PDZD2: variants seen among roughly 807,000 people sequenced by gnomAD.
PDZD2 encodes the protein PDZ domain-containing protein 2.
PDZD2 carries 90 observed loss-of-function variants against 220.7 expected under a neutral mutation model. The ratio of observed to expected loss-of-function variants is 0.41; its 90% CI spans 0.34 to 0.49. The LOEUF (loss-of-function observed/expected upper bound fraction) is 0.49. Among genes scored for constraint, PDZD2 ranks in the 20% least tolerant of loss-of-function variants. PDZD2 has a pLI of 0.28. For synonymous variants in PDZD2, 1,375 were observed against 1,450.5 expected (o/e 0.95, Z 1.18); for missense variants, 3,174 against 3,608.5 (o/e 0.88, Z 3.08).
chr5:32,025,482 G>A (rs1283190474), intron 6 of PDZD2, among the ~76,000 whole-genome samples: 6 of 148,616 alleles, frequency 4.0e-5, no homozygotes, highest in Non-Finnish European at 7.4e-5. Context: ...CCAAGATCGC[G>A]CCATTGCACT....
At chr5:32,008,391 G>T (rs1177549996) in intron 5 of PDZD2, among the ~76,000 whole-genome samples, 1 of 146,018 alleles carries the variant, frequency 6.8e-6, no homozygotes, top group Non-Finnish European at 1.5e-5. Flanking sequence ...AGGGATTCTT[G>T]TGCCTCAGTC....
chr5:31,715,911 C>G (rs1246577022), intron 1 of PDZD2, among the ~76,000 whole-genome samples: 2 of 152,176 alleles, frequency 1.3e-5, no homozygotes, highest in Non-Finnish European at 2.9e-5. Context: ...AAGGTTGATT[C>G]TTGACGTTGA....
At chr5:31,655,163 A>C (rs253938) in intron 1 of PDZD2, among the ~76,000 whole-genome samples, 6 of 152,094 alleles carry the variant, frequency 3.9e-5, no homozygotes, top group African/African-American at 1.5e-4. Flanking sequence ...ACATTATCAG[A>C]TTTTTGTTTT....
intron 2 of PDZD2, among the ~76,000 whole-genome samples, chr5:31,831,726 G>A (rs555808606): frequency 1.5e-4 from 22 of 147,472 alleles, no homozygotes; most frequent in South Asian, 6.5e-4. Flanking sequence ...CCAGCTTGGC[G>A]ACAGAGCAAG....
chr5:31,695,750 C>G (rs1747352570), intron 1 of PDZD2, among the ~76,000 whole-genome samples: 1 of 152,142 alleles, frequency 6.6e-6, no homozygotes, highest in African/African-American at 2.4e-5. Flanking sequence ...TAATAAAGAT[C>G]TGATTGGGTC....
rs905675889 is a variant in PDZD2 at position 32,110,560 on chromosome 5, G to GTTTC, written c.*2429_*2432dup. On this transcript the variant is annotated 3_prime_UTR_variant, in exon 25 of 25. Transcript: ENST00000438447. Reference sequence around the variant, plus strand: ...GTATTGTCCTACTAAAACTGTCATTGTTTCTTTTTTTTTAACTGGTCAGTC... The same window carrying GTTTC: ...GTATTGTCCTACTAAAACTGTCATTGTTTCTTTCTTTTTTTTTAACTGGTCAGTC... The GTTTC allele has an allele frequency of 2.0e-5, 3 of 152,590 alleles. No homozygotes were observed. The highest frequency in any genetic ancestry group is 7.2e-5 in the African/African-American group (3 of 41,530). The allele number at this position is 152,590 out of a possible 1,614,324, so 9.5% of individuals were successfully genotyped here.
At position 31,874,918 on chromosome 5, in the gene PDZD2, C is replaced by G. The variant is rs1032412567; in HGVS notation, c.476+75194C>G. On this transcript the variant is annotated intron_variant, in intron 2 of 24. Transcript: ENST00000438447. Reference sequence around the variant, plus strand: ...AATTATAACAGAAGTCCCCTTTAACCCTGGGAAACCCCAGCTCCATTCCAT... The same window carrying G: ...AATTATAACAGAAGTCCCCTTTAACGCTGGGAAACCCCAGCTCCATTCCAT... Among the ~76,000 whole-genome samples the G allele has an allele frequency of 2.0e-5, 3 of 152,016 alleles. 1 individual carries two copies. Among genetic ancestry groups the G allele is most frequent in the Admixed American group, 1.3e-4 (2 of 15,256 alleles).
In PDZD2 at chr5:32,074,079, T is replaced by G. The variant is rs1285074688; in HGVS notation, c.2973T>G (p.Gly991=). 7 of 1,613,812 alleles carry G rather than the reference T, an allele frequency of 4.3e-6. No individual in the cohort carries two copies. Among genetic ancestry groups the G allele is most frequent in the Non-Finnish European group, 5.1e-6 (6 of 1,179,864 alleles). ...DCISLPGALP[G]PIRPLSEDDP... is the part of the protein sequence containing the mutation. ...TTTCACTCCCAGGGGCCCTCCCGGG[T>G]CCCATCAGGCCTCTGTCAGAGGATG... is the stretch of plus-strand genomic sequence containing the variant. The change falls in exon 18 of 25, where the codon GGT becomes GGG. Residue 991 remains glycine, a synonymous_variant. Coordinates refer to ENST00000438447, the MANE Select transcript of PDZD2 (RefSeq NM_178140.4).
rs745403276 is a variant in PDZD2 at position 32,097,325 on chromosome 5, C to G, written c.7892C>G (p.Ser2631Ter). 2 of 1,613,464 alleles carry G rather than the reference C, an allele frequency of 1.2e-6. No homozygotes were observed. The highest frequency in any genetic ancestry group is 1.7e-6 in the Non-Finnish European group (2 of 1,179,378). The change falls in exon 22 of 25, where the codon TCA becomes TGA. Residue 2631 changes from serine (S) to a stop codon, truncating the protein, a stop_gained. Coordinates refer to ENST00000438447, the MANE Select transcript of PDZD2 (RefSeq NM_178140.4). LOFTEE classifies it high-confidence loss of function. The stretch of plus-strand genomic sequence containing the variant: ...ATAGTCTTGAATAGAAAAGAAGGCT[C>G]AGGTCTGGGATTCAGTGTGGCAGGA... ...CFIVLNRKEG[S>*]GLGFSVAGGT...
chr5:31,788,247 T>C (rs1273594690), intron 1 of PDZD2, among the ~76,000 whole-genome samples: 1 of 152,142 alleles, frequency 6.6e-6, no homozygotes, highest in Non-Finnish European at 1.5e-5. Flanking sequence ...AGTGGGTGCC[T>C]GTAATCCCAG....
Position 32,057,717 on chromosome 5 carries a change from C to A in PDZD2, c.1963C>A (p.His655Asn). The A allele has an allele frequency of 6.3e-7, 1 of 1,580,586 alleles. No homozygotes were observed. The highest frequency in any genetic ancestry group is 8.7e-7 in the Non-Finnish European group (1 of 1,150,760). Reference protein sequence around the residue: ...IKGLTFQEAIHTFKQIRSGLF... With the variant: ...IKGLTFQEAINTFKQIRSGLF... ...GGGCTTGACATTTCAAGAAGCCATTCATACCTTTAAGGTAACAACATTCTT... is the reference window on the plus strand; with the variant it reads ...GGGCTTGACATTTCAAGAAGCCATTAATACCTTTAAGGTAACAACATTCTT... The change falls in exon 11 of 25, where the codon CAT becomes AAT. Residue 655 changes from histidine to asparagine, a missense_variant. This residue lies in a region of PDZD2 where 1,861 missense variants were observed against 2,001.0 expected (regional missense o/e 0.93). Transcript: ENST00000438447.
intron 2 of PDZD2, among the ~76,000 whole-genome samples, chr5:31,889,081 A>G (rs1740780085): frequency 6.6e-6 from 1 of 152,094 alleles, no homozygotes; most frequent in Non-Finnish European, 1.5e-5. Flanking sequence ...AGATTGATTT[A>G]TACATTTGTA....
At chr5:31,949,095 C>T (rs1746935115) in intron 2 of PDZD2, among the ~76,000 whole-genome samples, 1 of 62,110 alleles carries the variant, frequency 1.6e-5, no homozygotes, top group Admixed American at 2.1e-4. Context: ...GAGACTCTGT[C>T]TCAAAAAAAA....
At chr5:31,982,048 C>T (rs1750340222) in intron 2 of PDZD2, among the ~76,000 whole-genome samples, 1 of 152,222 alleles carries the variant, frequency 6.6e-6, no homozygotes, top group African/African-American at 2.4e-5. Context: ...ACCCTGACCC[C>T]TCTCCATGCT....
intron 2 of PDZD2, among the ~76,000 whole-genome samples, chr5:31,934,022 T>C (rs1360116005): frequency 6.6e-6 from 1 of 152,214 alleles, no homozygotes; most frequent in African/African-American, 2.4e-5. Flanking sequence ...ATATGTTATA[T>C]ATTATCCACC....
At position 32,072,081 on chromosome 5, in the gene PDZD2, G is replaced by A. The variant is rs1740800681; in HGVS notation, c.2569-80G>A. 13 of 986,830 alleles carry A rather than the reference G, an allele frequency of 1.3e-5. No homozygotes were observed. In the East Asian group the frequency reaches 2.9e-4, roughly 22 times the overall value. The allele number at this position is 986,830 out of a possible 1,614,324, so 61.1% of individuals were successfully genotyped here. Reference sequence around the variant, plus strand: ...CCGTTGATTAGAACGAAGTGTTCTTGGAAAGATAGGACGTAATAACCCTTG... The same window carrying A: ...CCGTTGATTAGAACGAAGTGTTCTTAGAAAGATAGGACGTAATAACCCTTG... On this transcript the variant is annotated intron_variant, in intron 16 of 24. Coordinates refer to ENST00000438447, the MANE Select transcript of PDZD2 (RefSeq NM_178140.4).
intron 2 of PDZD2, among the ~76,000 whole-genome samples, chr5:31,862,092 T>C (rs1435406273): frequency 3.7e-5 from 5 of 135,398 alleles, no homozygotes; most frequent in Non-Finnish European, 7.6e-5. Flanking sequence ...CTCAATGTTT[T>C]TTTTTTGGGT....
rs1043015953 is a variant in PDZD2 at position 31,923,341 on chromosome 5, C to T, written c.477-59814C>T. The T allele has an allele frequency of 4.6e-6, 4 of 874,648 alleles. No homozygotes were observed. In the Admixed American group the frequency reaches 7.1e-5, roughly 16 times the overall value. The allele number at this position is 874,648 out of a possible 1,614,324, so 54.2% of individuals were successfully genotyped here. A position where few individuals can be genotyped will look rare whatever the true frequency, so the allele number is the denominator to read the frequency against. On this transcript the variant is annotated intron_variant, in intron 2 of 24. Coordinates refer to ENST00000438447, the MANE Select transcript of PDZD2 (RefSeq NM_178140.4). The stretch of plus-strand genomic sequence containing the variant: ...CGATGCGGTGGTTGCTGTAAGGGGT[C>T]CTCCCTGTGCCACACGGCCATCGCC...
intron 1 of PDZD2, chr5:31,741,958 C>G (rs1000075349): frequency 6.6e-6 from 1 of 152,196 alleles, no homozygotes; most frequent in African/African-American, 2.4e-5. Context: ...CAAAGGGCAG[C>G]CTTTCCTCCA....
Sources: allele counts gnomAD v4.1 joint callset (sites outside exome capture counted in the v4.1 genomes callset), GRCh38; gene constraint gnomAD v4.1.1; regional missense constraint gnomAD v4.1.1; transcripts MANE v1.5; gene names NCBI Gene and HGNC (gene_info 2026-07-23, HGNC 2026-07-21).